The following MANBA variants were observed in gnomAD, a reference collection of about 807,000 sequenced individuals.
The protein encoded by MANBA is beta-mannosidase.
In MANBA, 83 loss-of-function variants were observed where a neutral mutation model predicts 111.1. That is an observed-to-expected ratio of 0.75 (90% CI 0.63 to 0.90). The LOEUF (loss-of-function observed/expected upper bound fraction) is 0.90, where lower values mean the gene tolerates loss of function less well. Among genes scored for constraint, MANBA ranks in the 40% least tolerant of loss-of-function variants. The pLI, the probability that MANBA is intolerant of heterozygous loss-of-function variation, is 0.00. For synonymous variants in MANBA, 370 were observed against 378.7 expected (o/e 0.98, Z 0.27); for missense variants, 1,036 against 1,069.0 (o/e 0.97, Z 0.43).
intron 1 of MANBA, among the ~76,000 whole-genome samples, chr4:102,758,754 C>T (rs1366086483): frequency 6.6e-6 from 1 of 152,020 alleles, no homozygotes. Flanking sequence ...GTTGCCCAGA[C>T]TGGTCTAAAC....
intron 1 of MANBA, chr4:102,727,785 G>A (rs1722866700): frequency 5.9e-6 from 4 of 682,228 alleles, no homozygotes; most frequent in Non-Finnish European, 1.1e-5. Context: ...ATTTCTTGCA[G>A]TGGTGCTTTT....
intron 7 of MANBA, chr4:102,682,615 C>T (rs1328186990): frequency 6.6e-6 from 1 of 152,202 alleles, no homozygotes. Flanking sequence ...GAAATAAAGT[C>T]TTCGCAAATA....
chr4:102,669,039 T>A lies in MANBA; in HGVS notation c.1241A>T (p.Asp414Val). The change falls in exon 10 of 17, where the codon GAT becomes GTT. Residue 414 changes from aspartate to valine, a missense_variant. Asp to Val is a radical substitution (Grantham distance 152). Coordinates refer to ENST00000647097, the MANE Select transcript of MANBA (RefSeq NM_005908.4). The stretch of plus-strand genomic sequence containing the variant: ...ATAAAGGGCACAGGCAAACATAAAA[T>A]CCTGCCATACCTAGCAAATCAAATA... ...CDELGIMVWQ[D>V]FMFACALYPT... is the part of the protein sequence containing the mutation. The A allele has an allele frequency of 6.2e-7, 1 of 1,610,284 alleles. No individual in the cohort carries two copies. The highest frequency in any genetic ancestry group is 8.5e-7 in the Non-Finnish European group (1 of 1,178,052).
intron 1 of MANBA, chr4:102,728,958 T>A: frequency 1.3e-6 from 1 of 791,762 alleles, no homozygotes; most frequent in South Asian, 1.3e-5. Context: ...ATGTTCTGCA[T>A]CCCAGAGTCC....
chr4:102,749,136 T>C (rs1303975361), intron 1 of MANBA, among the ~76,000 whole-genome samples: 10 of 152,184 alleles, frequency 6.6e-5, no homozygotes, highest in African/African-American at 2.4e-4. Flanking sequence ...ACCAAGATTC[T>C]AGGCTTAGTT....
At chr4:102,741,991 G>A (rs908826696) in intron 1 of MANBA, among the ~76,000 whole-genome samples, 14 of 152,154 alleles carry the variant, frequency 9.2e-5, no homozygotes, top group Non-Finnish European at 1.3e-4. Context: ...TTGGGCTGTT[G>A]TAATTTCCCA....
At chr4:102,694,316 A>C (rs2110247810) in intron 5 of MANBA, among the ~76,000 whole-genome samples, 1 of 152,302 alleles carries the variant, frequency 6.6e-6, no homozygotes, top group African/African-American at 2.4e-5. Flanking sequence ...TCTTTCAAAT[A>C]GAGTAAACCC....
chr4:102,704,337 A>G (rs1379001438), intron 5 of MANBA, among the ~76,000 whole-genome samples: 1 of 152,000 alleles, frequency 6.6e-6, no homozygotes, highest in African/African-American at 2.4e-5. Flanking sequence ...ACCACCACAC[A>G]TGGCTAATTT....
chr4:102,730,017 C>A (rs1722970501), intron 1 of MANBA: 4 of 820,148 alleles, frequency 4.9e-6, no homozygotes, highest in Non-Finnish European at 8.2e-6. Flanking sequence ...ACCATAGCCT[C>A]CGCCCAGACA....
intron 5 of MANBA, among the ~76,000 whole-genome samples, chr4:102,697,527 T>G: frequency 9.3e-6 from 1 of 107,650 alleles, no homozygotes; most frequent in Non-Finnish European, 1.7e-5. Flanking sequence ...CCCACAACAG[T>G]CCCCAGAGTG....
intron 5 of MANBA, among the ~76,000 whole-genome samples, chr4:102,713,847 G>A (rs533479172): frequency 1.1e-4 from 16 of 143,216 alleles, no homozygotes; most frequent in African/African-American, 4.2e-4. Context: ...AGTGAGCCAA[G>A]ATTGTGCCAC....
chr4:102,667,552 G>T (rs940474295), intron 10 of MANBA: 1 of 152,182 alleles, frequency 6.6e-6, no homozygotes, highest in Admixed American at 6.5e-5. Flanking sequence ...GCTATTATTT[G>T]TTATTTCTTT....
intron 7 of MANBA, among the ~76,000 whole-genome samples, chr4:102,680,007 C>T (rs1235189223): frequency 6.6e-6 from 1 of 151,910 alleles, no homozygotes. Context: ...AACACAGATA[C>T]TATTTGATTA....
chr4:102,708,342 C>A (rs762414234), intron 5 of MANBA, among the ~76,000 whole-genome samples: 1 of 151,886 alleles, frequency 6.6e-6, no homozygotes, highest in African/African-American at 2.4e-5. Flanking sequence ...AAATCAATAA[C>A]AAGAGGAACT....
intron 5 of MANBA, among the ~76,000 whole-genome samples, chr4:102,712,875 G>A (rs926556276): frequency 7.9e-5 from 12 of 152,062 alleles, no homozygotes; most frequent in African/African-American, 2.7e-4. Context: ...CTGAGAAAAC[G>A]TATGGGTGGT....
At chr4:102,674,927 A>G (rs2110227398) in intron 7 of MANBA, among the ~76,000 whole-genome samples, 1 of 152,366 alleles carries the variant, frequency 6.6e-6, no homozygotes, top group Middle Eastern at 3.4e-3. Context: ...ATTTCATGTA[A>G]TAAAAGTGTC....
intron 5 of MANBA, among the ~76,000 whole-genome samples, chr4:102,709,932 G>A (rs1266957451): frequency 6.6e-6 from 1 of 152,112 alleles, no homozygotes; most frequent in East Asian, 1.9e-4. Context: ...CTCAACAGAT[G>A]CAGAAAAAGC....
At chr4:102,720,728 A>G (rs954317077) in intron 4 of MANBA, among the ~76,000 whole-genome samples, 4 of 152,220 alleles carry the variant, frequency 2.6e-5, no homozygotes, top group Non-Finnish European at 5.9e-5. Flanking sequence ...AAGCAGACAA[A>G]TATTCCATGG....
chr4:102,721,249 G>A (rs1032068367), intron 4 of MANBA, among the ~76,000 whole-genome samples: 8 of 152,046 alleles, frequency 5.3e-5, no homozygotes, highest in East Asian at 1.9e-4. Context: ...GTTTTAACAC[G>A]GGAGGCGGAG....
Sources: gnomAD v4.1 joint callset for allele counts (sites outside exome capture counted in the v4.1 genomes callset) on GRCh38, gnomAD v4.1.1 for gene constraint, MANE v1.5 for transcripts, NCBI Gene and HGNC (gene_info 2026-07-23, HGNC 2026-07-21) for gene names.